Variants in PMEPA1 observed in about 807,000 individuals in gnomAD.
PMEPA1 encodes prostate transmembrane protein, androgen induced 1.
Under a neutral mutation model 23.0 loss-of-function variants are expected in PMEPA1, and 11 were observed. That is an observed-to-expected ratio of 0.48 (90% confidence interval 0.30 to 0.79). The LOEUF is 0.79. Ranked by LOEUF, PMEPA1 falls within the 30% of genes least tolerant of loss-of-function variation. PMEPA1 has a pLI of 0.06. For synonymous variants in PMEPA1, 204 were observed against 166.4 expected (o/e 1.23, Z -1.74); for missense variants, 377 against 390.9 (o/e 0.96, Z 0.30).
chr20:57,670,736 C>A (rs549178197), intron 1 of PMEPA1, among the ~76,000 whole-genome samples: 2 of 152,318 alleles, frequency 1.3e-5, no homozygotes, highest in South Asian at 4.1e-4. Flanking sequence ...ACATACCTGG[C>A]CTCTGTGTGC....
Position 57,653,085 on chromosome 20 carries a change from T to C in PMEPA1, c.266A>G (p.Glu89Gly), listed in dbSNP as rs772874279. The change falls in exon 3 of 4, where the codon GAA (glutamate) becomes GGA (glycine). Residue 89 changes from glutamate (E) to glycine (G), a missense_variant and splice_region_variant. This residue lies in a region of PMEPA1 where 198 missense variants were observed against 196.3 expected (regional missense o/e 1.01). Coordinates refer to ENST00000341744, the MANE Select transcript of PMEPA1 (RefSeq NM_020182.5). ...GRRREDALSSEGCLWPSESTV... is the reference protein window; with the variant it reads ...GRRREDALSSGGCLWPSESTV... ...GCTCTCCGAGGGCCACAGGCATCCT[T>C]CCTGCACAGGAAGAAACGTACAAGC... 3.8e-5 allele frequency: 60 copies of C among 1,583,908 alleles called. No homozygotes were observed. Among genetic ancestry groups the C allele is most frequent in the Non-Finnish European group, 4.9e-5 (57 of 1,164,526 alleles).
At chr20:57,701,480 C>G (rs1390826843) in intron 1 of PMEPA1, among the ~76,000 whole-genome samples, 1 of 152,204 alleles carries the variant, frequency 6.6e-6, no homozygotes, top group Non-Finnish European at 1.5e-5. Context: ...CACTGTGAAA[C>G]CTTGACCACC....
At chr20:57,685,604 G>A (rs1217843393) in intron 1 of PMEPA1, among the ~76,000 whole-genome samples, 1 of 152,138 alleles carries the variant, frequency 6.6e-6, no homozygotes, top group African/African-American at 2.4e-5. Flanking sequence ...GACTGGCTGG[G>A]GGGAGGGGGC....
chr20:57,654,881 C>A (rs1265340531), intron 2 of PMEPA1, among the ~76,000 whole-genome samples: 1 of 152,082 alleles, frequency 6.6e-6, no homozygotes, highest in Non-Finnish European at 1.5e-5. Context: ...AGGGTCTCCT[C>A]CACTCTTGCC....
intron 1 of PMEPA1, among the ~76,000 whole-genome samples, chr20:57,671,636 G>A (rs1017575954): frequency 3.3e-5 from 5 of 152,078 alleles, no homozygotes; most frequent in Non-Finnish European, 7.4e-5. Flanking sequence ...CCATCTAAAT[G>A]CCACCAAACA....
In PMEPA1 at chr20:57,704,507, C is replaced by T. The variant is rs2072051870; in HGVS notation, c.109+4967G>A. Among the ~76,000 whole-genome samples, 1 of 152,328 alleles carries T rather than the reference C, an allele frequency of 6.6e-6. No homozygotes were observed. The highest frequency in any genetic ancestry group is 2.4e-5 in the African/African-American group (1 of 41,572). On this transcript the variant is annotated intron_variant, in intron 1 of 3. Transcript: ENST00000341744. The surrounding 1 kb of genome is among the most constrained non-coding windows in gnomAD (Gnocchi z 4.6). ...AATCTCCTTCTCTCAGCATGTGCAC[C>T]GTACAGAACCCGAGGCTGGCAGCAG...
chr20:57,663,838 C>T (rs149401888), intron 1 of PMEPA1, among the ~76,000 whole-genome samples: 113 of 152,324 alleles, frequency 7.4e-4, no homozygotes, highest in African/African-American at 2.5e-3. Flanking sequence ...AGGAAGGCAA[C>T]ACCCTGGGCC....
Position 57,650,179 on chromosome 20 carries a change from T to C in PMEPA1, c.*1874A>G, listed in dbSNP as rs569899612. On this transcript the variant is annotated 3_prime_UTR_variant, in exon 4 of 4. Coordinates refer to ENST00000341744, the MANE Select transcript of PMEPA1 (RefSeq NM_020182.5). ...ATGCATGAGCTCGAGTGGCTAGAAC[T>C]TCAAAACTGTGCTCAGGTTTTTGTT... 44 of 152,356 alleles carry C rather than the reference T, an allele frequency of 2.9e-4. No homozygotes were observed. Among genetic ancestry groups the C allele is most frequent in the African/African-American group, 1.0e-3 (42 of 41,578 alleles). 9.4% of individuals were successfully genotyped at this position (152,356 alleles called of 1,614,324 possible).
At chr20:57,673,009 T>C (rs2071589988) in intron 1 of PMEPA1, among the ~76,000 whole-genome samples, 1 of 152,288 alleles carries the variant, frequency 6.6e-6, no homozygotes, top group African/African-American at 2.4e-5. Flanking sequence ...ACCTGGTGCA[T>C]ACTTAGGTGC....
At chr20:57,653,642 G>A (rs2071285489) in intron 2 of PMEPA1, among the ~76,000 whole-genome samples, 1 of 152,216 alleles carries the variant, frequency 6.6e-6, no homozygotes, top group Non-Finnish European at 1.5e-5. Flanking sequence ...ATGTGAATGT[G>A]CTGGGTGTCA....
chr20:57,677,343 G>A (rs573872223), intron 1 of PMEPA1, among the ~76,000 whole-genome samples: 44 of 152,314 alleles, frequency 2.9e-4, no homozygotes, highest in Admixed American at 1.2e-3. Context: ...AGGAAGCACT[G>A]AGTACGTGTT....
chr20:57,659,623 G>T lies in PMEPA1; in HGVS notation c.184C>A (p.Leu62Met), dbSNP rs749713555. 6.1e-5 allele frequency: 99 copies of T among 1,612,556 alleles called. No individual in the cohort carries two copies. Among genetic ancestry groups the T allele is most frequent in the Non-Finnish European group, 4.2e-6 (5 of 1,179,438 alleles). ...MVMVVVITCL[L>M]SHYKLSARSF... is the part of the protein sequence containing the mutation. ...CGTGCAGACAGCTTGTAGTGGCTCAGCAGGCACGTGATCACCACCACCATC... is the reference window on the plus strand; with the variant it reads ...CGTGCAGACAGCTTGTAGTGGCTCATCAGGCACGTGATCACCACCACCATC... Residue 62 changes from leucine to methionine, a missense_variant, in exon 2 of 4, where the codon CTG becomes ATG. Leu to Met is a conservative substitution (Grantham distance 15). Coordinates refer to ENST00000341744, the MANE Select transcript of PMEPA1 (RefSeq NM_020182.5).
At chr20:57,659,133 G>C (rs976044931) in intron 2 of PMEPA1, among the ~76,000 whole-genome samples, 2 of 151,998 alleles carry the variant, frequency 1.3e-5, no homozygotes, top group Admixed American at 1.3e-4. Context: ...CCAGGTCCCA[G>C]TGGTCGCATC....
chr20:57,667,415 G>A (rs912566007), intron 1 of PMEPA1, among the ~76,000 whole-genome samples: 9 of 152,144 alleles, frequency 5.9e-5, no homozygotes, highest in Non-Finnish European at 1.2e-4. Context: ...GTGCGGCGGC[G>A]ACTGAGTTTC....
chr20:57,703,235 C>G (rs932658411), intron 1 of PMEPA1, among the ~76,000 whole-genome samples: 1 of 152,268 alleles, frequency 6.6e-6, no homozygotes, highest in Admixed American at 6.5e-5. Context: ...CCGGCCCTCC[C>G]CCGCTGCACC....
chr20:57,683,554 C>T lies in PMEPA1; in HGVS notation c.110-23857G>A, dbSNP rs6099718. ...CGGTGGTGGTGTTCTGGCCTGTGTG[C>T]GTGTGTGTGTGTGTGTGTGTGTGTG... On this transcript the variant is annotated intron_variant, in intron 1 of 3. Transcript: ENST00000341744. The surrounding 1 kb of genome is among the most constrained non-coding windows in gnomAD (Gnocchi z 4.3). Among the ~76,000 whole-genome samples, 23,833 of 106,340 alleles carry T rather than the reference C, an allele frequency of 0.22. 3,623 individuals carry two copies. The highest frequency in any genetic ancestry group is 0.51 in the East Asian group (2,502 of 4,948). The allele number at this position is 106,340 out of a possible 152,430, so 69.8% of individuals were successfully genotyped here.
Position 57,682,384 on chromosome 20 carries a change from G to T in PMEPA1, c.110-22687C>A, listed in dbSNP as rs750397171. On this transcript the variant is annotated intron_variant, in intron 1 of 3. Transcript: ENST00000341744. This position sits in a 1 kb window ranked among gnomAD's most constrained non-coding sequence, Gnocchi z 4.4. ...TCGGTGGTTTCATCCATAAAATGGG[G>T]AAATGACAGCCCGCTGCCCTTGCAT... is the stretch of plus-strand genomic sequence containing the variant. Among the ~76,000 whole-genome samples the T allele has an allele frequency of 6.6e-6, 1 of 152,110 alleles. No homozygotes were observed. Among genetic ancestry groups the T allele is most frequent in the Non-Finnish European group, 1.5e-5 (1 of 68,008 alleles).
chr20:57,653,136 A>G, intron 2 of PMEPA1, 50 bp from the exon 3 acceptor site: 5 of 1,459,704 alleles, frequency 3.4e-6, no homozygotes, highest in Non-Finnish European at 3.8e-6. Flanking sequence ...GGCAGGAGGG[A>G]CAGCAAAGGC....
At chr20:57,653,232 G>A in intron 2 of PMEPA1, 146 bp from the exon 3 acceptor site, 1 of 706,582 alleles carries the variant, frequency 1.4e-6, no homozygotes, top group Non-Finnish European at 2.5e-6. Flanking sequence ...AGCTTCCCCA[G>A]CCCCTGGCCC....
Sources: gnomAD v4.1 joint callset for allele counts (sites outside exome capture counted in the v4.1 genomes callset) on GRCh38, gnomAD v4.1.1 for gene constraint, gnomAD v4.1.1 regional missense constraint, Gnocchi (gnomAD v3.1) non-coding constraint, MANE v1.5 for transcripts, NCBI Gene and HGNC (gene_info 2026-07-23, HGNC 2026-07-21) for gene names.